TJP2: variants seen among roughly 807,000 people sequenced by gnomAD.
TJP2 encodes the protein tight junction protein 2.
In TJP2, 91 loss-of-function variants were observed where a neutral mutation model predicts 133.1. That is an observed-to-expected ratio of 0.68 (90% CI 0.58 to 0.81). The LOEUF (loss-of-function observed/expected upper bound fraction) is 0.81. TJP2 is among the 40% of genes least tolerant of loss of function. The pLI, the probability that TJP2 is intolerant of heterozygous loss-of-function variation, is 0.00. For missense variants in TJP2, 1,541 were observed against 1,565.6 expected, an observed-to-expected ratio of 0.98 and a Z score of 0.26; for synonymous variants, 592 against 583.4, an observed-to-expected ratio of 1.01 and a Z score of -0.21.
chr9:69,130,244 C>T (rs1224820757), intron 1 of TJP2, among the ~76,000 whole-genome samples: 2 of 151,990 alleles, frequency 1.3e-5, no homozygotes, highest in Non-Finnish European at 1.5e-5. Flanking sequence ...TATAACCTGA[C>T]CTCAGGTTAT....
intron 2 of TJP2, among the ~76,000 whole-genome samples, chr9:69,164,831 T>G (rs752273520): frequency 2.0e-5 from 3 of 151,936 alleles, no homozygotes; most frequent in Admixed American, 1.3e-4. Flanking sequence ...TGGACCTGGA[T>G]TTTTTTTCTT....
intron 1 of TJP2, chr9:69,205,174 C>G (rs1487942807): frequency 2.6e-6 from 4 of 1,537,132 alleles, no homozygotes; most frequent in Non-Finnish European, 3.5e-6. Context: ...GAAGACTGCT[C>G]AAGCCCTACA....
At chr9:69,216,535 G>C (rs918522845) in intron 3 of TJP2, 72 bp downstream of exon 3, 120 of 1,529,850 alleles carry the variant, frequency 7.8e-5, no homozygotes, top group Non-Finnish European at 1.0e-4. Context: ...ATTTTGGTTG[G>C]TGTCCACTTT....
rs1051029042 is a variant in TJP2, at chr9:69,254,707, T to A, written c.*333T>A. 5 of 567,184 alleles carry A rather than the reference T, an allele frequency of 8.8e-6. No individual in the cohort carries two copies. The African/African-American group carries it at 9.3e-5, about 11-fold the overall frequency. 35.1% of individuals were successfully genotyped at this position (567,184 alleles called of 1,614,324 possible). A position where few individuals can be genotyped will look rare whatever the true frequency, so the allele number is the denominator to read the frequency against. On this transcript the variant is annotated 3_prime_UTR_variant, in exon 23 of 23. Transcript: ENST00000377245. ...GTATATTAAGAAGCAATAACTATTT[T>A]TCCTCATTAATAGCTGCCTTCAAGG...
At position 69,185,083 on chromosome 9, in the gene TJP2, A is replaced by G. The variant is rs7032858; in HGVS notation, c.60+10651A>G. 4.3e-3 allele frequency among the ~76,000 whole-genome samples: 562 copies of G among 130,132 alleles called. 6 individuals are homozygous for G. Among genetic ancestry groups the G allele is most frequent in the African/African-American group, 0.016 (526 of 32,940 alleles). The allele number at this position is 130,132 out of a possible 152,430, so 85.4% of individuals were successfully genotyped here. A position where few individuals can be genotyped will look rare whatever the true frequency, so the allele number is the denominator to read the frequency against. On this transcript the variant is annotated intron_variant, in intron 1 of 22. Transcript: ENST00000377245. ...GATTTCTTTTTTTTTTTTTTTTGAG[A>G]CAGAGTCTTGCTGTGTTGCCCAGGC... is the stretch of plus-strand genomic sequence containing the variant.
At chr9:69,137,474 C>T (rs759403204) in intron 1 of TJP2, among the ~76,000 whole-genome samples, 2 of 151,538 alleles carry the variant, frequency 1.3e-5, no homozygotes, top group Non-Finnish European at 2.9e-5. Context: ...ACGATCCTCT[C>T]GCCTCAGCCT....
chr9:69,146,168 G>A (rs1823202189), intron 1 of TJP2, among the ~76,000 whole-genome samples: 1 of 152,150 alleles, frequency 6.6e-6, no homozygotes, highest in South Asian at 2.1e-4. Context: ...TTACTATAAT[G>A]TTTTTCAACA....
At position 69,249,371 on chromosome 9, in the gene TJP2, G is replaced by A. The variant is rs1563960895; in HGVS notation, c.2881-4G>A. 1 of 1,605,154 alleles carries A rather than the reference G, an allele frequency of 6.2e-7. No homozygotes were observed. The highest frequency in any genetic ancestry group is 8.5e-7 in the Non-Finnish European group (1 of 1,175,210). On this transcript the variant is annotated splice_region_variant and splice_polypyrimidine_tract_variant and intron_variant, in intron 19 of 22. Coordinates refer to ENST00000377245, the MANE Select transcript of TJP2 (RefSeq NM_004817.4). ...TGTTGTGAATGAACCTTTATGTCTT[G>A]TAGAGCATAAGGAAACCCAGCCCAG...
chr9:69,240,201 G>C, intron 17 of TJP2, 54 bp downstream of exon 17: 2 of 1,468,742 alleles, frequency 1.4e-6, no homozygotes, highest in Non-Finnish European at 1.9e-6. Flanking sequence ...ATAAAGAATT[G>C]AAGAGTAGAA....
intron 1 of TJP2, among the ~76,000 whole-genome samples, chr9:69,177,770 A>C (rs950257410): frequency 6.6e-6 from 1 of 151,788 alleles, no homozygotes; most frequent in Non-Finnish European, 1.5e-5. Context: ...TCAGCCTTCA[A>C]AGTAGCTGGG....
chr9:69,249,289 G>T (rs1173069098), intron 19 of TJP2, 86 bp from the exon 20 acceptor site: 1 of 1,544,944 alleles, frequency 6.5e-7, no homozygotes, highest in Non-Finnish European at 8.8e-7. Flanking sequence ...ACTTACTCAA[G>T]TTTGCAGAAC....
chr9:69,182,663 G>A (rs1346655622), intron 1 of TJP2, among the ~76,000 whole-genome samples: 4 of 151,960 alleles, frequency 2.6e-5, no homozygotes, highest in African/African-American at 4.8e-5. Context: ...GCAGTGGCAC[G>A]ACCTCTGTTA....
intron 15 of TJP2, 40 bp from the exon 16 acceptor site, chr9:69,238,670 T>C: frequency 2.6e-6 from 4 of 1,556,602 alleles, no homozygotes; most frequent in South Asian, 1.1e-5. Context: ...TGTCACTGTT[T>C]TCTAAACAAT....
At chr9:69,216,287 C>T (rs1828371174) in intron 2 of TJP2, 52 bp from the exon 3 acceptor site, 3 of 1,610,998 alleles carry the variant, frequency 1.9e-6, no homozygotes, top group African/African-American at 1.3e-5. Context: ...GTAATAAATC[C>T]TGAAAGCCAC....
intron 1 of TJP2, among the ~76,000 whole-genome samples, chr9:69,195,685 C>A (rs973613502): frequency 1.3e-5 from 2 of 152,150 alleles, no homozygotes; most frequent in African/African-American, 2.4e-5. Flanking sequence ...TTCAGGCCCC[C>A]CCTTTTCCAT....
At position 69,225,412 on chromosome 9, in the gene TJP2, G is replaced by T. The variant is rs1483516482; in HGVS notation, c.1056+5G>T. 1 of 1,599,058 alleles carries T rather than the reference G, an allele frequency of 6.3e-7. No homozygotes were observed. Among genetic ancestry groups the T allele is most frequent in the South Asian group, 1.1e-5 (1 of 90,550 alleles). On this transcript the variant is annotated splice_donor_5th_base_variant and intron_variant, in intron 6 of 22. Transcript: ENST00000377245. Reference sequence around the variant, plus strand: ...GAAGGAGACATAATTCTCAAGGTGGGTAGATGGGGGCAGAGAACGGTAGTG... The same window carrying T: ...GAAGGAGACATAATTCTCAAGGTGGTTAGATGGGGGCAGAGAACGGTAGTG...
In TJP2 at chr9:69,174,413, A is replaced by G. The variant is rs1478876795; in HGVS notation, c.41A>G (p.Glu14Gly). ...RGDRGFPPRR[E>G]LSGWLRAPGM... ...GACCGCGGGTTTCCACCCCGGCGGG[A>G]GCTGTCAGGTTGGCTCCGCGTAAGT... The change falls in exon 1 of 23, where the codon GAG (glutamate) becomes GGG (glycine). Residue 14 changes from glutamate to glycine, a missense_variant. Glu to Gly is a moderately conservative substitution (Grantham distance 98, BLOSUM62 -2). Transcript: ENST00000377245. 3.2e-6 allele frequency: 5 copies of G among 1,551,558 alleles called. No individual in the cohort carries two copies. Among genetic ancestry groups the G allele is most frequent in the African/African-American group, 1.4e-5 (1 of 73,190 alleles).
intron 1 of TJP2, among the ~76,000 whole-genome samples, chr9:69,198,505 A>G (rs1392882100): frequency 3.3e-5 from 5 of 152,254 alleles, no homozygotes; most frequent in African/African-American, 1.2e-4. Flanking sequence ...AGGTAAATAA[A>G]GGAGAATGTG....
chr9:69,240,771 C>T (rs1287039639), intron 17 of TJP2, among the ~76,000 whole-genome samples: 1 of 151,314 alleles, frequency 6.6e-6, no homozygotes, highest in Non-Finnish European at 1.5e-5. Flanking sequence ...TGCTGCACTC[C>T]TGCCTGGTGA....
Sources: gnomAD v4.1 joint callset for allele counts (sites outside exome capture counted in the v4.1 genomes callset) on GRCh38, gnomAD v4.1.1 for gene constraint, MANE v1.5 for transcripts, NCBI Gene and HGNC (gene_info 2026-07-23, HGNC 2026-07-21) for gene names.